Variants in FBXL13 observed in about 807,000 individuals in gnomAD.
FBXL13 encodes F-box and leucine-rich repeat protein 13.
A neutral mutation model predicts 83.6 loss-of-function variants in FBXL13; 67 were observed. The observed-to-expected ratio is 0.80, with a 90% confidence interval of 0.66 to 0.98. The LOEUF is 0.98. Among genes scored for constraint, FBXL13 ranks in the 50% least tolerant of loss-of-function variants. The pLI, the probability that FBXL13 is intolerant of heterozygous loss-of-function variation, is 0.00. For missense variants in FBXL13, 822 were observed against 866.5 expected (o/e 0.95, Z 0.64); for synonymous variants, 272 against 299.5 (o/e 0.91, Z 0.95).
chr7:102,942,314 G>A (rs947771387), intron 8 of FBXL13: 4 of 1,595,160 alleles, frequency 2.5e-6, no homozygotes, highest in Non-Finnish European at 3.4e-6. Context: ...AACCCTGCAA[G>A]TAGACTTACG....
chr7:103,055,804 G>A (rs930860978), intron 1 of FBXL13, 57 bp from the exon 2 acceptor site: 3 of 721,210 alleles, frequency 4.2e-6, no homozygotes, highest in Non-Finnish European at 6.1e-6. Context: ...TTTTTACTAA[G>A]CAGCACGTAA....
intron 18 of FBXL13, among the ~76,000 whole-genome samples, chr7:102,826,724 CATATA>C (rs1281254961): frequency 1.4e-4 from 9 of 62,732 alleles, no homozygotes; most frequent in African/African-American, 3.7e-4. Context: ...GACCCTGTCT[CATATA>C]TATATATATA....
chr7:102,842,783 G>A (rs2129449451), intron 17 of FBXL13, among the ~76,000 whole-genome samples: 2 of 152,262 alleles, frequency 1.3e-5, no homozygotes, highest in South Asian at 4.1e-4. Context: ...CAAATTCTAG[G>A]GGTTTCAGTT....
At chr7:102,944,385 C>T (rs1822064435) in intron 8 of FBXL13, 11 of 1,614,014 alleles carry the variant, frequency 6.8e-6, no homozygotes, top group African/African-American at 1.3e-5. Context: ...TAAAGCACCA[C>T]TACAATGTCC....
At chr7:102,820,874 A>G (rs529461955) in intron 19 of FBXL13, among the ~76,000 whole-genome samples, 1 of 152,352 alleles carries the variant, frequency 6.6e-6, no homozygotes, top group Non-Finnish European at 1.5e-5. Flanking sequence ...GTTGCATTGA[A>G]GATTAATTTT....
At chr7:102,914,496 A>G (rs757697048) in intron 10 of FBXL13, among the ~76,000 whole-genome samples, 50 of 152,262 alleles carry the variant, frequency 3.3e-4, no homozygotes, top group Non-Finnish European at 5.9e-4. Context: ...AAAAAGAATG[A>G]AAAGTGAGGA....
Position 102,931,986 on chromosome 7 carries a change from A to G in FBXL13, c.725-53T>C, listed in dbSNP as rs55781834. 6 of 1,548,982 alleles carry G rather than the reference A, an allele frequency of 3.9e-6. No homozygotes were observed. In the South Asian group the frequency reaches 6.9e-5, roughly 18 times the overall value. ...AACTACATATTGCAAATGTTTAAACAAAGTTTTTCTATCTTACATTGAATG... is the reference window on the plus strand; with the variant it reads ...AACTACATATTGCAAATGTTTAAACGAAGTTTTTCTATCTTACATTGAATG... On this transcript the variant is annotated intron_variant, in intron 8 of 19. Coordinates refer to ENST00000313221, the Ensembl canonical transcript of FBXL13.
intron 2 of FBXL13, among the ~76,000 whole-genome samples, chr7:103,037,180 TTACAG>T (rs1272867170): frequency 6.6e-6 from 1 of 152,232 alleles, no homozygotes; most frequent in Non-Finnish European, 1.5e-5. Flanking sequence ...TCCTTCCTGA[TTACAG>T]TAATGTTTAT....
intron 11 of FBXL13, among the ~76,000 whole-genome samples, chr7:102,893,865 C>T (rs542312135): frequency 4.7e-4 from 57 of 121,898 alleles, no homozygotes; most frequent in Admixed American, 1.4e-3. Flanking sequence ...AGAAGAGAGG[C>T]GGAGAGGAAG....
At chr7:102,919,144 C>A (rs1026032654) in intron 10 of FBXL13, among the ~76,000 whole-genome samples, 1 of 152,190 alleles carries the variant, frequency 6.6e-6, no homozygotes, top group African/African-American at 2.4e-5. Flanking sequence ...AGCTTAAAAT[C>A]GGCCACAGTG....
chr7:102,901,750 C>T (rs1353581122), intron 11 of FBXL13, among the ~76,000 whole-genome samples: 1 of 152,206 alleles, frequency 6.6e-6, no homozygotes, highest in Non-Finnish European at 1.5e-5. Context: ...CCTGTTGTTG[C>T]AAATGACTGG....
chr7:102,887,438 C>CACAG (rs1810948879), intron 11 of FBXL13, among the ~76,000 whole-genome samples: 2 of 150,988 alleles, frequency 1.3e-5, no homozygotes, highest in East Asian at 4.0e-4. Context: ...CACACACACA[C>CACAG]AAACATCCAA....
At chr7:102,878,544 A>G (rs1809571238) in intron 14 of FBXL13, 94 bp from the exon 16 acceptor site, 12 of 812,108 alleles carry the variant, frequency 1.5e-5, no homozygotes, top group Non-Finnish European at 2.1e-5. Flanking sequence ...ATATATTTCT[A>G]AAATAGCAAG....
chr7:103,051,101 G>T (rs766582771), intron 2 of FBXL13, among the ~76,000 whole-genome samples: 1 of 152,072 alleles, frequency 6.6e-6, no homozygotes, highest in Non-Finnish European at 1.5e-5. Context: ...AGAAATTAAG[G>T]ATCTCATTTT....
chr7:102,838,024 G>T (rs1315519715), intron 17 of FBXL13, among the ~76,000 whole-genome samples: 1 of 152,238 alleles, frequency 6.6e-6, no homozygotes, highest in South Asian at 2.1e-4. Context: ...CAGCACAGGA[G>T]TGAGGAGAAT....
At chr7:103,008,594 G>T (rs1563212070) in intron 6 of FBXL13, among the ~76,000 whole-genome samples, 1 of 152,058 alleles carries the variant, frequency 6.6e-6, no homozygotes, top group Non-Finnish European at 1.5e-5. Context: ...GACTCACTCT[G>T]TCATCCAGGC....
intron 6 of FBXL13, among the ~76,000 whole-genome samples, chr7:102,992,693 C>A (rs1045637628): frequency 6.6e-6 from 1 of 152,206 alleles, no homozygotes; most frequent in Non-Finnish European, 1.5e-5. Context: ...CAGCCTCAAC[C>A]TCTCCAGACT....
At chr7:102,958,529 T>TATAATAATAATA (rs144163542) in intron 8 of FBXL13, among the ~76,000 whole-genome samples, 6 of 144,530 alleles carry the variant, frequency 4.2e-5, no homozygotes, top group African/African-American at 1.5e-4. Flanking sequence ...GAACTTAAAG[T>TATAATAATAATA]ATAATAATAA....
At chr7:102,954,350 T>A (rs890274816) in intron 8 of FBXL13, among the ~76,000 whole-genome samples, 2 of 152,166 alleles carry the variant, frequency 1.3e-5, no homozygotes, top group Non-Finnish European at 2.9e-5. Context: ...GCTGAGAGAT[T>A]TTGTCACCAC....
Sources: gnomAD v4.1 joint callset for allele counts (sites outside exome capture counted in the v4.1 genomes callset) on GRCh38, gnomAD v4.1.1 for gene constraint, MANE v1.5 for transcripts, NCBI Gene and HGNC (gene_info 2026-07-23, HGNC 2026-07-21) for gene names.